The following SGCD variants were observed in gnomAD, a reference collection of about 807,000 sequenced individuals.
SGCD encodes the protein delta-sarcoglycan.
A neutral mutation model predicts 36.6 loss-of-function variants in SGCD; 18 were observed. The observed-to-expected ratio is 0.49, with a 90% CI of 0.34 to 0.73. SGCD has a LOEUF of 0.73. Ranked by LOEUF, SGCD falls within the 30% of genes least tolerant of loss-of-function variation. The probability of loss-of-function intolerance (pLI) is 0.01; values close to 1 mark genes in which losing one functional copy is unlikely to be tolerated. For missense variants in SGCD, 387 were observed against 346.7 expected (o/e 1.12, Z -0.92); for synonymous variants, 133 against 130.6 (o/e 1.02, Z -0.12).
chr5:156,384,414 T>C (rs2127750099), intron 3 of SGCD, among the ~76,000 whole-genome samples: 1 of 152,328 alleles, frequency 6.6e-6, no homozygotes, highest in Non-Finnish European at 1.5e-5. Context: ...GCCTTTCTTG[T>C]TCTGTAATGT....
intron 1 of SGCD, among the ~76,000 whole-genome samples, chr5:155,883,022 T>TA (rs1755923219): frequency 6.6e-6 from 1 of 152,210 alleles, no homozygotes; most frequent in Non-Finnish European, 1.5e-5. Context: ...AACTTCTGCT[T>TA]ACGTTTTTAT....
intron 3 of SGCD, among the ~76,000 whole-genome samples, chr5:156,129,277 A>C (rs1373929300): frequency 6.6e-6 from 1 of 152,180 alleles, no homozygotes; most frequent in South Asian, 2.1e-4. Flanking sequence ...AACTCATTTG[A>C]TCCTTGAAAC....
At chr5:156,136,135 T>C (rs1347895150) in intron 3 of SGCD, among the ~76,000 whole-genome samples, 1 of 152,168 alleles carries the variant, frequency 6.6e-6, no homozygotes, top group African/African-American at 2.4e-5. Flanking sequence ...TATTCTGGGA[T>C]AGGATTTTGC....
intron 3 of SGCD, among the ~76,000 whole-genome samples, chr5:156,314,520 C>T (rs1767465346): frequency 6.6e-6 from 1 of 151,928 alleles, no homozygotes; most frequent in Non-Finnish European, 1.5e-5. Context: ...TCTTTTATTC[C>T]ATCATCTAAC....
chr5:155,819,654 A>G, the SGCD span, among the ~76,000 whole-genome samples: 2 of 152,318 alleles, frequency 1.3e-5, no homozygotes, highest in South Asian at 4.1e-4. Context: ...TTAGTGGCAA[A>G]GCCAGAATTT....
intron 3 of SGCD, among the ~76,000 whole-genome samples, chr5:156,414,715 T>C (rs1460846798): frequency 1.3e-5 from 2 of 152,226 alleles, no homozygotes; most frequent in African/African-American, 4.8e-5. Flanking sequence ...TTATAAACTA[T>C]GCAGAGTGGG....
intron 1 of SGCD, among the ~76,000 whole-genome samples, chr5:155,871,054 A>G (rs1434983451): frequency 2.0e-5 from 3 of 151,820 alleles, no homozygotes; most frequent in Non-Finnish European, 2.9e-5. Context: ...TTTTTTTTGC[A>G]ACTTTTCTGT....
chr5:156,443,541 T>C (rs1753598080), intron 3 of SGCD, among the ~76,000 whole-genome samples: 2 of 152,130 alleles, frequency 1.3e-5, no homozygotes, highest in Non-Finnish European at 2.9e-5. Flanking sequence ...CATGATCATC[T>C]ATTGAAGTTT....
intron 6 of SGCD, among the ~76,000 whole-genome samples, chr5:156,645,104 A>G (rs1763179386): frequency 6.6e-6 from 1 of 152,142 alleles, no homozygotes; most frequent in Non-Finnish European, 1.5e-5. Context: ...ATGGAAACAC[A>G]TTGATGAAAT....
chr5:156,537,506 CAG>C (rs34263435), intron 4 of SGCD, among the ~76,000 whole-genome samples: 1,415 of 135,244 alleles, frequency 0.01, 44 homozygotes, highest in African/African-American at 0.041. Flanking sequence ...CACACACACA[CAG>C]GTATATATAT....
chr5:156,086,289 T>C (rs1287913337), intron 1 of SGCD, among the ~76,000 whole-genome samples: 2 of 152,260 alleles, frequency 1.3e-5, no homozygotes, highest in Admixed American at 1.3e-4. Flanking sequence ...TTTTTCCTTC[T>C]TCCTTCCTGA....
intron 3 of SGCD, among the ~76,000 whole-genome samples, chr5:156,185,359 C>T (rs537321808): frequency 2.3e-4 from 35 of 151,806 alleles, no homozygotes; most frequent in Non-Finnish European, 2.5e-4. Flanking sequence ...GGACTACAGG[C>T]GCCCGCCACC....
chr5:156,634,461 A>G (rs1211964342), intron 6 of SGCD, among the ~76,000 whole-genome samples: 4 of 143,112 alleles, frequency 2.8e-5, no homozygotes, highest in South Asian at 4.2e-4. Context: ...GAAAACAGCA[A>G]CAACAACAAC....
the SGCD span, among the ~76,000 whole-genome samples, chr5:155,822,808 T>C: frequency 6.6e-6 from 1 of 152,200 alleles, no homozygotes; most frequent in African/African-American, 2.4e-5. Flanking sequence ...TTAACCTTGT[T>C]TCATCATATC....
At chr5:156,431,004 G>A (rs978435117) in intron 3 of SGCD, among the ~76,000 whole-genome samples, 1 of 152,136 alleles carries the variant, frequency 6.6e-6, no homozygotes, top group African/African-American at 2.4e-5. Flanking sequence ...TGTAGATAAG[G>A]CAGGTGGGTA....
At chr5:156,091,860 G>A (rs1285826090) in intron 1 of SGCD, among the ~76,000 whole-genome samples, 1 of 152,202 alleles carries the variant, frequency 6.6e-6, no homozygotes, top group East Asian at 1.9e-4. Context: ...CTTCCTGTAG[G>A]ATTTCACAGG....
intron 3 of SGCD, among the ~76,000 whole-genome samples, chr5:156,139,321 A>T (rs1762523169): frequency 6.6e-6 from 1 of 151,822 alleles, no homozygotes; most frequent in African/African-American, 2.4e-5. Context: ...TATTTAGGGT[A>T]GCAGTCTATC....
chr5:156,329,386 A>G (rs1428892820), intron 1 of SGCD, 148 bp from the exon 2 acceptor site: 8 of 610,234 alleles, frequency 1.3e-5, no homozygotes, highest in Non-Finnish European at 1.8e-5. Context: ...TCACCACAGG[A>G]GACTGCATGG....
chr5:156,135,139 T>G (rs1762425646), intron 3 of SGCD, among the ~76,000 whole-genome samples: 1 of 152,196 alleles, frequency 6.6e-6, no homozygotes, highest in South Asian at 2.1e-4. Flanking sequence ...TATTGCAGAA[T>G]GGATTTAGTT....
Sources: allele counts gnomAD v4.1 joint callset (sites outside exome capture counted in the v4.1 genomes callset), GRCh38; gene constraint gnomAD v4.1.1; transcripts MANE v1.5; gene names NCBI Gene and HGNC (gene_info 2026-07-23, HGNC 2026-07-21).